The following RFTN1 variants were observed in gnomAD, a reference collection of about 807,000 sequenced individuals.
The protein encoded by RFTN1 is raftlin, lipid raft linker 1, also known as raftlin.
RFTN1 carries 26 observed loss-of-function variants against 46.5 expected under a neutral mutation model. The ratio of observed to expected loss-of-function variants is 0.56; its 90% CI spans 0.41 to 0.78. RFTN1 has a LOEUF of 0.78. RFTN1 is among the 30% of genes least tolerant of loss of function. The probability of loss-of-function intolerance (pLI) is 0.00; values close to 1 mark genes in which losing one functional copy is unlikely to be tolerated. For missense variants in RFTN1, 693 were observed against 718.7 expected (o/e 0.96, Z 0.41); for synonymous variants, 261 against 284.2 (o/e 0.92, Z 0.82).
rs1419867011 is a variant in RFTN1, at chr3:16,387,079, G to A, written c.442-8977C>T. Among the ~76,000 whole-genome samples the A allele has an allele frequency of 4.6e-5, 7 of 152,284 alleles. 1 individual carries two copies. Among genetic ancestry groups the A allele is most frequent in the Middle Eastern group, 6.8e-3 (2 of 294 alleles). ...AAGACCCAGAAAGCTGCTTTAAGAG[G>A]CACACAGATGAGTGTTCCTTCTCTT... On this transcript the variant is annotated intron_variant, in intron 4 of 9. Transcript: ENST00000334133. The surrounding 1 kb of genome is among the most constrained non-coding windows in gnomAD (Gnocchi z 5.2).
Position 16,504,267 on chromosome 3 carries a change from C to T in RFTN1, c.-9+9175G>A, listed in dbSNP as rs1424637810. Among the ~76,000 whole-genome samples the T allele has an allele frequency of 6.6e-6, 1 of 152,164 alleles. No homozygotes were observed. Among genetic ancestry groups the T allele is most frequent in the African/African-American group, 2.4e-5 (1 of 41,432 alleles). On this transcript the variant is annotated intron_variant, in intron 1 of 9. Transcript: ENST00000334133. This position sits in a 1 kb window ranked among gnomAD's most constrained non-coding sequence, Gnocchi z 4.4. ...AAGAAGAAATATTTTTTCTTTCATT[C>T]TTAACTAACCACAATTACTTGCTAA... is the stretch of plus-strand genomic sequence containing the variant.
rs919749546 is a variant in RFTN1 at position 16,353,656 on chromosome 3, A to C, written c.1146+4276T>G. Among the ~76,000 whole-genome samples the C allele has an allele frequency of 2.3e-4, 35 of 152,200 alleles. No homozygotes were observed. Among genetic ancestry groups the C allele is most frequent in the African/African-American group, 8.2e-4 (34 of 41,448 alleles). On this transcript the variant is annotated intron_variant, in intron 7 of 9. Transcript: ENST00000334133. The surrounding 1 kb of genome is among the most constrained non-coding windows in gnomAD (Gnocchi z 5.4). ...CTGTATTTGGAGATGGGGCCTCTAC[A>C]GAAGTAATTAAGGTTAAATGAAGTC...
In RFTN1 at chr3:16,410,303, G is replaced by A. The variant is rs796088707; in HGVS notation, c.333-820C>T. Among the ~76,000 whole-genome samples, 10 of 149,890 alleles carry A rather than the reference G, an allele frequency of 6.7e-5. No homozygotes were observed. The highest frequency in any genetic ancestry group is 2.2e-4 in the African/African-American group (9 of 40,458). ...GTCTATGTCCCATTGGTTTATATCC[G>A]CCAGGGCACAGAAAAAGAACAAGCA... On this transcript the variant is annotated intron_variant, in intron 3 of 9. Transcript: ENST00000334133. The surrounding 1 kb of genome is among the most constrained non-coding windows in gnomAD (Gnocchi z 4.6).
rs1049696711 is a variant in RFTN1 at position 16,340,533 on chromosome 3, A to G, written c.1147-13657T>C. On this transcript the variant is annotated intron_variant, in intron 7 of 9. Transcript: ENST00000334133. Reference sequence around the variant, plus strand: ...GACCTAAAGAATCATGAGCTAATACATGGTTATTTGAAGCCACTAAGTTTG... The same window carrying G: ...GACCTAAAGAATCATGAGCTAATACGTGGTTATTTGAAGCCACTAAGTTTG... 3.3e-5 allele frequency among the ~76,000 whole-genome samples: 5 copies of G among 152,248 alleles called. No homozygotes were observed. The South Asian group carries it at 1.0e-3, about 31-fold the overall frequency.
rs921746915 is a variant in RFTN1, at chr3:16,322,779, C to T, written c.1332+597G>A. Among the ~76,000 whole-genome samples, 29 of 152,132 alleles carry T rather than the reference C, an allele frequency of 1.9e-4. No individual in the cohort carries two copies. The highest frequency in any genetic ancestry group is 6.5e-4 in the African/African-American group (27 of 41,418). The stretch of plus-strand genomic sequence containing the variant: ...CTGTGCGACTGTTTCTAGGGTAGTT[C>T]AGAGTCCGGAGAGGGGGAAAAGGGC... On this transcript the variant is annotated intron_variant, in intron 9 of 9. Coordinates refer to ENST00000334133, the MANE Select transcript of RFTN1 (RefSeq NM_015150.2). This position sits in a 1 kb window ranked among gnomAD's most constrained non-coding sequence, Gnocchi z 6.2.
intron 1 of RFTN1, among the ~76,000 whole-genome samples, chr3:16,502,330 T>C (rs1207103216): frequency 1.3e-5 from 2 of 151,474 alleles, no homozygotes; most frequent in African/African-American, 2.4e-5. Flanking sequence ...CACTGCATGA[T>C]TGTGCCACTG....
Position 16,458,143 on chromosome 3 carries a change from G to A in RFTN1, c.146-24106C>T, listed in dbSNP as rs527699107. Among the ~76,000 whole-genome samples the A allele has an allele frequency of 2.0e-5, 3 of 152,218 alleles. No individual in the cohort carries two copies. The highest frequency in any genetic ancestry group is 1.9e-4 in the East Asian group (1 of 5,192). On this transcript the variant is annotated intron_variant, in intron 2 of 9. Transcript: ENST00000334133. This position sits in a 1 kb window ranked among gnomAD's most constrained non-coding sequence, Gnocchi z 5.1. The stretch of plus-strand genomic sequence containing the variant: ...TAAACTACCCAGTCTTGGGTATTTC[G>A]TTTCAACAACACAAAATAGACTAAG...
At chr3:16,502,722 C>A (rs1227371103) in intron 1 of RFTN1, among the ~76,000 whole-genome samples, 3 of 152,248 alleles carry the variant, frequency 2.0e-5, no homozygotes, top group Non-Finnish European at 4.4e-5. Context: ...ACTAACTCAG[C>A]ACCCATGTGG....
rs1250865614 is a variant in RFTN1 at position 16,418,067 on chromosome 3, T to C, written c.333-8584A>G. ...CTCACAGTGGTGGGACCTAACCCTTTCCTAAGACATTAAAATAGCATTGTT... is the reference window on the plus strand; with the variant it reads ...CTCACAGTGGTGGGACCTAACCCTTCCCTAAGACATTAAAATAGCATTGTT... On this transcript the variant is annotated intron_variant, in intron 3 of 9. Coordinates refer to ENST00000334133, the MANE Select transcript of RFTN1 (RefSeq NM_015150.2). This position sits in a 1 kb window ranked among gnomAD's most constrained non-coding sequence, Gnocchi z 5.0. Among the ~76,000 whole-genome samples, 1 of 152,148 alleles carries C rather than the reference T, an allele frequency of 6.6e-6. No individual in the cohort carries two copies. The highest frequency in any genetic ancestry group is 1.9e-4 in the East Asian group (1 of 5,196).
In RFTN1 at chr3:16,449,252, A is replaced by T. The variant is rs2075784186; in HGVS notation, c.146-15215T>A. On this transcript the variant is annotated intron_variant, in intron 2 of 9. Transcript: ENST00000334133. The surrounding 1 kb of genome is among the most constrained non-coding windows in gnomAD (Gnocchi z 5.1). ...AATAAAGAACAGAAATCTGGAATTGAATTATAGGAGAGAAAGCTGATTATT... is the reference window on the plus strand; with the variant it reads ...AATAAAGAACAGAAATCTGGAATTGTATTATAGGAGAGAAAGCTGATTATT... Among the ~76,000 whole-genome samples, 2 of 152,214 alleles carry T rather than the reference A, an allele frequency of 1.3e-5. No individual in the cohort carries two copies.
At chr3:16,502,641 G>A (rs2076731682) in intron 1 of RFTN1, among the ~76,000 whole-genome samples, 1 of 152,248 alleles carries the variant, frequency 6.6e-6, no homozygotes, top group African/African-American at 2.4e-5. Context: ...CAGCTGCCAT[G>A]TTGTGAGGAC....
rs995821992 is a variant in RFTN1 at position 16,447,887 on chromosome 3, C to T, written c.146-13850G>A. On this transcript the variant is annotated intron_variant, in intron 2 of 9. Coordinates refer to ENST00000334133, the MANE Select transcript of RFTN1 (RefSeq NM_015150.2). The surrounding 1 kb of genome is among the most constrained non-coding windows in gnomAD (Gnocchi z 5.9). ...TGGAGAAGTCTGGCCTTTGAGGTTA[C>T]GCATGAGGATCTGATAGGCATTTGT... Among the ~76,000 whole-genome samples, 1 of 152,174 alleles carries T rather than the reference C, an allele frequency of 6.6e-6. No individual in the cohort carries two copies. The highest frequency in any genetic ancestry group is 1.5e-5 in the Non-Finnish European group (1 of 68,020).
In RFTN1 at chr3:16,404,235, A is replaced by T. The variant is rs1455246067; in HGVS notation, c.441+5140T>A. 8.6e-5 allele frequency among the ~76,000 whole-genome samples: 3 copies of T among 34,824 alleles called. 1 individual carries two copies. The highest frequency in any genetic ancestry group is 9.0e-5 in the Non-Finnish European group (2 of 22,336). 22.8% of individuals were successfully genotyped at this position (34,824 alleles called of 152,430 possible). ...TTATATAATATATATTTTATATATAATATATATTTTATATATAATATATAA... is the reference window on the plus strand; with the variant it reads ...TTATATAATATATATTTTATATATATTATATATTTTATATATAATATATAA... On this transcript the variant is annotated intron_variant, in intron 4 of 9. Transcript: ENST00000334133.
chr3:16,408,512 A>G (rs2074914257), intron 4 of RFTN1, among the ~76,000 whole-genome samples: 1 of 151,266 alleles, frequency 6.6e-6, no homozygotes, highest in East Asian at 1.9e-4. Flanking sequence ...ATAAGCATCA[A>G]GCAGTGAACT....
rs748645999 is a variant in RFTN1, at chr3:16,317,135, T to C, written c.1430A>G (p.Asn477Ser). ...SARDKQQAEENEKNLEDQSSK... is the reference protein window; with the variant it reads ...SARDKQQAEESEKNLEDQSSK... ...AGACTGGTCTTCTAAGTTCTTCTCA[T>C]TTTCTTCTGCTTGTTGTTTGTCTCT... Residue 477 changes from asparagine (N) to serine (S), a missense_variant, in exon 10 of 10, where the codon AAT (asparagine) becomes AGT (serine). Coordinates refer to ENST00000334133, the MANE Select transcript of RFTN1 (RefSeq NM_015150.2). The surrounding 1 kb of genome is among the most constrained non-coding windows in gnomAD (Gnocchi z 4.3). The C allele has an allele frequency of 1.2e-6, 2 of 1,613,806 alleles. No homozygotes were observed.
Position 16,345,742 on chromosome 3 carries a change from T to TC in RFTN1, c.1146+12189dup, listed in dbSNP as rs2071613423. On this transcript the variant is annotated intron_variant, in intron 7 of 9. Coordinates refer to ENST00000334133, the MANE Select transcript of RFTN1 (RefSeq NM_015150.2). The surrounding 1 kb of genome is among the most constrained non-coding windows in gnomAD (Gnocchi z 5.2). ...GCTTGCAGATAGCAGACTGTGGGAC[T>TC]CCTCAGCCTCCATAATCACATGAGC... is the stretch of plus-strand genomic sequence containing the variant. 6.6e-6 allele frequency among the ~76,000 whole-genome samples: 1 copy of TC among 151,546 alleles called. No homozygotes were observed. Among genetic ancestry groups the TC allele is most frequent in the African/African-American group, 2.4e-5 (1 of 41,194 alleles).
chr3:16,442,963 T>G lies in RFTN1; in HGVS notation c.146-8926A>C. 6.6e-6 allele frequency among the ~76,000 whole-genome samples: 1 copy of G among 152,384 alleles called. No homozygotes were observed. Among genetic ancestry groups the G allele is most frequent in the East Asian group, 1.9e-4 (1 of 5,190 alleles). ...TCCATTGCATATATATACCATAGTT[T>G]ATTTATCCAATCATCTATTGATGGA... On this transcript the variant is annotated intron_variant, in intron 2 of 9. Coordinates refer to ENST00000334133, the MANE Select transcript of RFTN1 (RefSeq NM_015150.2). The surrounding 1 kb of genome is among the most constrained non-coding windows in gnomAD (Gnocchi z 4.1).
At chr3:16,331,113 G>A (rs1220949068) in intron 7 of RFTN1, among the ~76,000 whole-genome samples, 1 of 152,238 alleles carries the variant, frequency 6.6e-6, no homozygotes, top group Non-Finnish European at 1.5e-5. Flanking sequence ...AAAAGTGACT[G>A]GGGACAGTTT....
intron 4 of RFTN1, among the ~76,000 whole-genome samples, chr3:16,398,927 G>A (rs575489429): frequency 6.6e-6 from 1 of 152,318 alleles, no homozygotes; most frequent in African/African-American, 2.4e-5. Flanking sequence ...TTCCTTGGAT[G>A]TGGGGTAATT....
Sources: allele counts gnomAD v4.1 joint callset (sites outside exome capture counted in the v4.1 genomes callset), GRCh38; gene constraint gnomAD v4.1.1; non-coding constraint Gnocchi (gnomAD v3.1); transcripts MANE v1.5; gene names NCBI Gene and HGNC (gene_info 2026-07-23, HGNC 2026-07-21).